ZNF317: variants seen among roughly 807,000 people sequenced by gnomAD.
ZNF317 encodes the protein zinc finger protein 317, also known as KRAB-containing zinc finger protein 317.
ZNF317 carries 17 observed loss-of-function variants against 23.4 expected under a neutral mutation model. The observed-to-expected ratio is 0.73, with a 90% CI of 0.50 to 1.09. The LOEUF is 1.09. Among genes scored for constraint, ZNF317 ranks in the 50% least tolerant of loss-of-function variants. The pLI, the probability that ZNF317 is intolerant of heterozygous loss-of-function variation, is 0.00. For missense variants in ZNF317, 679 were observed against 796.7 expected, an observed-to-expected ratio of 0.85 and a Z score of 1.78; for synonymous variants, 317 against 314.9, an observed-to-expected ratio of 1.01 and a Z score of -0.07.
In ZNF317 at chr19:9,156,068, T is replaced by C. The variant is rs1363737407; in HGVS notation, c.25+27T>C. The C allele has an allele frequency of 1.9e-6, 3 of 1,613,858 alleles. No individual in the cohort carries two copies. In the Admixed American group the frequency reaches 5.0e-5, roughly 27 times the overall value. ...TAAGTTCTTGGGTCAGTGCGTGCCC[T>C]GAGAAAGTGAGTGCAAGTGGCCCCT... On this transcript the variant is annotated intron_variant, in intron 2 of 6. Transcript: ENST00000247956.
chr19:9,159,965 AG>A, intron 6 of ZNF317, 148 bp from the exon 7 acceptor site: 1 of 1,122,666 alleles, frequency 8.9e-7, no homozygotes, highest in Non-Finnish European at 1.3e-6. Context: ...CAAATGGGGC[AG>A]GGACAGCACG....
intron 1 of ZNF317, among the ~76,000 whole-genome samples, chr19:9,155,028 TTTTC>T (rs1190512559): frequency 2.0e-5 from 3 of 152,066 alleles, no homozygotes; most frequent in Non-Finnish European, 2.9e-5. Flanking sequence ...GTTGGGTTGA[TTTTC>T]TTTCTTTCTT....
rs200591339 is a variant in ZNF317 at position 9,158,363 on chromosome 19, CTTTTTTTTTTTTTTT to C, written c.385+302_385+316del. Among the ~76,000 whole-genome samples, 5 of 76,536 alleles carry C rather than the reference CTTTTTTTTTTTTTTT, an allele frequency of 6.5e-5. 1 individual carries two copies. The highest frequency in any genetic ancestry group is 5.3e-4 in the Admixed American group (3 of 5,686). 50.2% of individuals were successfully genotyped at this position (76,536 alleles called of 152,430 possible). On this transcript the variant is annotated intron_variant, in intron 5 of 6. Transcript: ENST00000247956. Reference sequence around the variant, plus strand: ...CTGAATTGCCTTAAATTTCTTTTTTCTTTTTTTTTTTTTTTTTTTTTTTTTTTTGACGGAGTCTCA... The same window carrying C: ...CTGAATTGCCTTAAATTTCTTTTTTCTTTTTTTTTTTTTGACGGAGTCTCA...
chr19:9,158,363 C>CTTTTTTTTTTT lies in ZNF317; in HGVS notation c.385+306_385+316dup, dbSNP rs200591339. Among the ~76,000 whole-genome samples the CTTTTTTTTTTT allele has an allele frequency of 9.6e-3, 738 of 76,530 alleles. 156 individuals carry two copies. The highest frequency in any genetic ancestry group is 0.031 in the African/African-American group (486 of 15,676). The allele number at this position is 76,530 out of a possible 152,430, so 50.2% of individuals were successfully genotyped here. A position where few individuals can be genotyped will look rare whatever the true frequency, so the allele number is the denominator to read the frequency against. ...CTGAATTGCCTTAAATTTCTTTTTT[C>CTTTTTTTTTTT]TTTTTTTTTTTTTTTTTTTTTTTTT... On this transcript the variant is annotated intron_variant, in intron 5 of 6. Transcript: ENST00000247956.
chr19:9,158,800 A>G (rs757672201), intron 5 of ZNF317, 26 bp from the exon 6 acceptor site: 1 of 1,481,420 alleles, frequency 6.8e-7, no homozygotes, highest in South Asian at 1.1e-5. Context: ...TTTTCCAACA[A>G]TTAATACTTT....
chr19:9,157,882 C>A, intron 4 of ZNF317, 98 bp from the exon 5 acceptor site: 1 of 1,440,484 alleles, frequency 6.9e-7, no homozygotes, highest in South Asian at 1.5e-5. Flanking sequence ...CTTGTCCACC[C>A]TCAGAACACT....
intron 1 of ZNF317, among the ~76,000 whole-genome samples, chr19:9,141,959 C>T (rs2050635502): frequency 6.6e-6 from 1 of 152,110 alleles, no homozygotes. Context: ...GCACCCACCA[C>T]CACACCCAGC....
chr19:9,155,536 A>G (rs908839634), intron 1 of ZNF317, among the ~76,000 whole-genome samples: 5 of 152,152 alleles, frequency 3.3e-5, no homozygotes. Flanking sequence ...TGCAAAGGGC[A>G]TTGGAGTTTG....
Position 9,160,730 on chromosome 19 carries a change from A to T in ZNF317, c.1085A>T (p.Tyr362Phe). 1 of 1,614,162 alleles carries T rather than the reference A, an allele frequency of 6.2e-7. No homozygotes were observed. ...HVRNHTGEKP[Y>F]ACTQCGKAFR... ...AGGAATCACACGGGGGAGAAGCCCT[A>T]CGCGTGCACGCAGTGCGGCAAAGCC... Residue 362 changes from tyrosine to phenylalanine, a missense_variant, in exon 7 of 7, where the codon TAC becomes TTC. Transcript: ENST00000247956. This position sits in a 1 kb window ranked among gnomAD's most constrained non-coding sequence, Gnocchi z 6.8.
In ZNF317 at chr19:9,161,535, A is replaced by G; in HGVS notation, c.*102A>G. 6.7e-7 allele frequency: 1 copy of G among 1,484,970 alleles called. No individual in the cohort carries two copies. The highest frequency in any genetic ancestry group is 9.0e-7 in the Non-Finnish European group (1 of 1,110,668). 92.0% of individuals were successfully genotyped at this position (1,484,970 alleles called of 1,614,324 possible). On this transcript the variant is annotated 3_prime_UTR_variant, in exon 7 of 7. Transcript: ENST00000247956. This position sits in a 1 kb window ranked among gnomAD's most constrained non-coding sequence, Gnocchi z 4.0. ...CTCGCACCTTACTGGGTGCAAAAGA[A>G]TCCACGGAACTTGGGAGAAGTCCAG...
At chr19:9,140,801 A>G (rs998936482) in intron 1 of ZNF317, among the ~76,000 whole-genome samples, 14 of 152,122 alleles carry the variant, frequency 9.2e-5, no homozygotes, top group African/African-American at 3.4e-4. Flanking sequence ...TGATGAGAGA[A>G]GCATTGGTCA....
chr19:9,159,480 G>A (rs60707873), intron 6 of ZNF317, among the ~76,000 whole-genome samples: 36,685 of 151,816 alleles, frequency 0.24, 4,888 homozygotes, highest in African/African-American at 0.37. Context: ...GGGATTATAG[G>A]CTTGAGCCAC....
chr19:9,146,511 T>A (rs2050684654), intron 1 of ZNF317, among the ~76,000 whole-genome samples: 1 of 150,948 alleles, frequency 6.6e-6, no homozygotes, highest in African/African-American at 2.4e-5. Flanking sequence ...TACTGCAACC[T>A]CCGCCTCTCA....
rs1294212054 is a variant in ZNF317, at chr19:9,160,761, C to A, written c.1116C>A (p.Arg372=). ...GCACGCAGTGCGGCAAAGCCTTCCG[C>A]TGGAAGTCCAACTTTAATTTGCACA... ...YACTQCGKAF[R]WKSNFNLHKK... is the part of the protein sequence containing the mutation. The change falls in exon 7 of 7, where the codon CGC becomes CGA. Residue 372 remains arginine, a synonymous_variant. Coordinates refer to ENST00000247956, the MANE Select transcript of ZNF317 (RefSeq NM_020933.5). This position sits in a 1 kb window ranked among gnomAD's most constrained non-coding sequence, Gnocchi z 6.8. 5.6e-6 allele frequency: 9 copies of A among 1,613,966 alleles called. No individual in the cohort carries two copies. The African/African-American group carries it at 1.1e-4, about 19-fold the overall frequency.
intron 4 of ZNF317, 51 bp downstream of exon 4, chr19:9,157,445 T>C: frequency 6.2e-7 from 1 of 1,607,988 alleles, no homozygotes; most frequent in Non-Finnish European, 8.5e-7. Flanking sequence ...TAGATGTTTT[T>C]GTTTGAGTAT....
rs1322821085 is a variant in ZNF317, at chr19:9,162,828, T to A, written c.*1395T>A. ...GAGATCTATGTGACATGAGGATATT[T>A]CTCAGTACCACTTTGTTACTGGTAC... On this transcript the variant is annotated 3_prime_UTR_variant, in exon 7 of 7. Coordinates refer to ENST00000247956, the MANE Select transcript of ZNF317 (RefSeq NM_020933.5). The A allele has an allele frequency of 6.6e-6, 1 of 152,184 alleles. No homozygotes were observed. The highest frequency in any genetic ancestry group is 6.5e-5 in the Admixed American group (1 of 15,274). The allele number at this position is 152,184 out of a possible 1,614,324, so 9.4% of individuals were successfully genotyped here. A position where few individuals can be genotyped will look rare whatever the true frequency, so the allele number is the denominator to read the frequency against.
Position 9,157,320 on chromosome 19 carries a change from C to G in ZNF317, c.215C>G (p.Pro72Arg), listed in dbSNP as rs767383880. 6.2e-7 allele frequency: 1 copy of G among 1,614,046 alleles called. No individual in the cohort carries two copies. Residue 72 changes from proline (P) to arginine (R), a missense_variant, in exon 4 of 7, where the codon CCC becomes CGC. Physicochemically the swap from Pro to Arg is moderately radical, Grantham distance 103. Transcript: ENST00000247956. ...GTGGACTTTACCGAGAAGGAGTGGCCCTTGCTGGATTCTTCTCAGAGAAAA... is the reference window on the plus strand; with the variant it reads ...GTGGACTTTACCGAGAAGGAGTGGCGCTTGCTGGATTCTTCTCAGAGAAAA... Reference protein sequence around the residue: ...VAVDFTEKEWPLLDSSQRKLY... With the variant: ...VAVDFTEKEWRLLDSSQRKLY...
rs1276681227 is a variant in ZNF317, at chr19:9,161,622, G to A, written c.*189G>A. The A allele has an allele frequency of 1.0e-5, 8 of 768,156 alleles. No homozygotes were observed. The highest frequency in any genetic ancestry group is 7.0e-5 in the African/African-American group (4 of 57,472). The allele number at this position is 768,156 out of a possible 1,614,324, so 47.6% of individuals were successfully genotyped here. ...CCATAGGAGGTTTGTGAGAACTCAC[G>A]CCGGGGGTGAAAATGTACGTCTGTA... On this transcript the variant is annotated 3_prime_UTR_variant, in exon 7 of 7. Coordinates refer to ENST00000247956, the MANE Select transcript of ZNF317 (RefSeq NM_020933.5). This position sits in a 1 kb window ranked among gnomAD's most constrained non-coding sequence, Gnocchi z 4.0.
Position 9,161,013 on chromosome 19 carries a change from C to A in ZNF317, c.1368C>A (p.Ser456Arg). The A allele has an allele frequency of 6.2e-7, 1 of 1,614,130 alleles. No individual in the cohort carries two copies. Among genetic ancestry groups the A allele is most frequent in the Non-Finnish European group, 8.5e-7 (1 of 1,180,028 alleles). Residue 456 changes from serine to arginine, a missense_variant, in exon 7 of 7, where the codon AGC becomes AGA. Physicochemically the swap from Ser to Arg is moderately radical, Grantham distance 110. Transcript: ENST00000247956. This position sits in a 1 kb window ranked among gnomAD's most constrained non-coding sequence, Gnocchi z 4.0. The part of the protein sequence containing the change: ...YGCDLCGKAF[S>R]ASSNLTAHRK... ...GCGATCTCTGCGGGAAAGCTTTCAGCGCGAGTTCAAACCTCACCGCACACA... is the reference window on the plus strand; with the variant it reads ...GCGATCTCTGCGGGAAAGCTTTCAGAGCGAGTTCAAACCTCACCGCACACA...
Sources: gnomAD v4.1 joint callset for allele counts (sites outside exome capture counted in the v4.1 genomes callset) on GRCh38, gnomAD v4.1.1 for gene constraint, Gnocchi (gnomAD v3.1) non-coding constraint, MANE v1.5 for transcripts, NCBI Gene and HGNC (gene_info 2026-07-23, HGNC 2026-07-21) for gene names.